The following NFATC2 variants were observed in gnomAD, a reference collection of about 807,000 sequenced individuals.
NFATC2 encodes the protein nuclear factor of activated T cells 2.
Under a neutral mutation model 87.3 loss-of-function variants are expected in NFATC2, and 22 were observed. That is an observed-to-expected ratio of 0.25 (90% CI 0.18 to 0.36). The LOEUF (loss-of-function observed/expected upper bound fraction) is 0.36. NFATC2 is among the 10% of genes least tolerant of loss of function. The pLI is 1.00. For missense variants in NFATC2, 1,149 were observed against 1,259.1 expected, an observed-to-expected ratio of 0.91 and a Z score of 1.32; for synonymous variants, 565 against 542.2, an observed-to-expected ratio of 1.04 and a Z score of -0.58.
intron 5 of NFATC2, among the ~76,000 whole-genome samples, chr20:51,466,215 G>C (rs575270759): frequency 6.6e-6 from 1 of 152,274 alleles, no homozygotes; most frequent in African/African-American, 2.4e-5. Context: ...ACCACACCTG[G>C]CTAACTTTTG....
At chr20:51,427,788 G>A (rs549994760) in intron 9 of NFATC2, among the ~76,000 whole-genome samples, 30 of 152,252 alleles carry the variant, frequency 2.0e-4, no homozygotes, top group African/African-American at 7.2e-4. Context: ...ACACTCATCT[G>A]CAGGGGCCAA....
At chr20:51,433,117 T>C (rs1983027454) in intron 8 of NFATC2, among the ~76,000 whole-genome samples, 1 of 152,130 alleles carries the variant, frequency 6.6e-6, no homozygotes, top group Non-Finnish European at 1.5e-5. Context: ...AGCTCCTGTC[T>C]CCGCTTGCTT....
At chr20:51,491,476 G>C (rs1359431750) in intron 3 of NFATC2, among the ~76,000 whole-genome samples, 1 of 152,176 alleles carries the variant, frequency 6.6e-6, no homozygotes, top group African/African-American at 2.4e-5. Flanking sequence ...AAGACAGAAA[G>C]CTTGCTTTGC....
intron 5 of NFATC2, among the ~76,000 whole-genome samples, chr20:51,469,229 C>A (rs1034323628): frequency 6.6e-6 from 1 of 152,138 alleles, no homozygotes; most frequent in South Asian, 2.1e-4. Flanking sequence ...GTTAGTCAGG[C>A]TGGTCTCCAA....
At position 51,490,984 on chromosome 20, in the gene NFATC2, A is replaced by G. The variant is rs116807288; in HGVS notation, c.1333-15324T>C. Among the ~76,000 whole-genome samples, 1,009 of 152,190 alleles carry G rather than the reference A, an allele frequency of 6.6e-3. 15 individuals carry two copies. Among genetic ancestry groups the G allele is most frequent in the African/African-American group, 0.023 (951 of 41,514 alleles). On this transcript the variant is annotated intron_variant, in intron 3 of 10. Coordinates refer to ENST00000371564, the MANE Select transcript of NFATC2 (RefSeq NM_012340.5). ...TCCAAAGCCAGTAGATCATCAAGGG[A>G]TGATTAAGAAAACCACCCAGGTCAG...
intron 3 of NFATC2, among the ~76,000 whole-genome samples, chr20:51,502,506 G>T (rs977795954): frequency 1.3e-5 from 2 of 151,790 alleles, no homozygotes; most frequent in Non-Finnish European, 2.9e-5. Flanking sequence ...TTGTTTTTGT[G>T]TTTTTTTTGG....
intron 1 of NFATC2, among the ~76,000 whole-genome samples, chr20:51,549,431 C>A (rs1379133408): frequency 1.3e-5 from 2 of 152,228 alleles, no homozygotes; most frequent in Non-Finnish European, 2.9e-5. Flanking sequence ...TGCCACCACA[C>A]CCAGCTAATT....
rs76493781 is a variant in NFATC2, at chr20:51,475,921, C to T, written c.1333-261G>A. Among the ~76,000 whole-genome samples the T allele has an allele frequency of 5.3e-5, 8 of 152,280 alleles. No individual in the cohort carries two copies. In the East Asian group the frequency reaches 1.5e-3, roughly 29 times the overall value. ...AGTCAGAACTGCATTTATGGAGAAACAGCCAGAAACTGTGCTTAATTGATG... is the reference window on the plus strand; with the variant it reads ...AGTCAGAACTGCATTTATGGAGAAATAGCCAGAAACTGTGCTTAATTGATG... On this transcript the variant is annotated intron_variant, in intron 3 of 10. Coordinates refer to ENST00000371564, the MANE Select transcript of NFATC2 (RefSeq NM_012340.5).
At chr20:51,409,677 G>A (rs1978892144) in intron 9 of NFATC2, among the ~76,000 whole-genome samples, 1 of 152,182 alleles carries the variant, frequency 6.6e-6, no homozygotes, top group Non-Finnish European at 1.5e-5. Flanking sequence ...CTCCAGATCT[G>A]ACTGACAACT....
At chr20:51,449,076 G>A (rs1358598559) in intron 6 of NFATC2, among the ~76,000 whole-genome samples, 2 of 152,126 alleles carry the variant, frequency 1.3e-5, no homozygotes, top group Non-Finnish European at 2.9e-5. Context: ...TGGTGGTGCC[G>A]ATGACCAAAC....
intron 10 of NFATC2, among the ~76,000 whole-genome samples, chr20:51,393,300 T>G (rs531342380): frequency 6.6e-6 from 1 of 152,048 alleles, no homozygotes; most frequent in African/African-American, 2.4e-5. Flanking sequence ...CATCTGTAAA[T>G]TGCATCTAAA....
intron 1 of NFATC2, among the ~76,000 whole-genome samples, chr20:51,529,550 G>A (rs985517356): frequency 3.3e-5 from 5 of 152,158 alleles, no homozygotes; most frequent in Non-Finnish European, 7.3e-5. Flanking sequence ...CAACTGCCAC[G>A]CTCACAGGCG....
chr20:51,521,316 A>G (rs1397678822), intron 2 of NFATC2, among the ~76,000 whole-genome samples: 1 of 151,218 alleles, frequency 6.6e-6, no homozygotes, highest in Non-Finnish European at 1.5e-5. Context: ...TAGGTACTCA[A>G]TTTTTATTTT....
At chr20:51,510,681 G>C (rs891752275) in intron 3 of NFATC2, among the ~76,000 whole-genome samples, 16 of 152,156 alleles carry the variant, frequency 1.1e-4, no homozygotes, top group African/African-American at 3.6e-4. Context: ...GAGTGCAGTG[G>C]CACGATCACA....
chr20:51,497,888 C>T (rs1307573600), intron 3 of NFATC2, among the ~76,000 whole-genome samples: 1 of 152,096 alleles, frequency 6.6e-6, no homozygotes, highest in Non-Finnish European at 1.5e-5. Context: ...AGCTGCAGCC[C>T]CCGGGGGAAC....
intron 1 of NFATC2, among the ~76,000 whole-genome samples, chr20:51,560,639 C>G (rs1245753722): frequency 6.6e-6 from 1 of 152,174 alleles, no homozygotes; most frequent in Non-Finnish European, 1.5e-5. Flanking sequence ...GTCTCTGATG[C>G]CTGGAACTGC....
chr20:51,519,684 T>C lies in NFATC2; in HGVS notation c.1161-2729A>G, dbSNP rs935776768. Among the ~76,000 whole-genome samples, 6 of 141,834 alleles carry C rather than the reference T, an allele frequency of 4.2e-5. No individual in the cohort carries two copies. The Admixed American group carries it at 4.4e-4, about 10-fold the overall frequency. 93.0% of individuals were successfully genotyped at this position (141,834 alleles called of 152,430 possible). On this transcript the variant is annotated intron_variant, in intron 2 of 10. Coordinates refer to ENST00000371564, the MANE Select transcript of NFATC2 (RefSeq NM_012340.5). ...TAATCCTAGCACTTTGGGAGGCCAATGCAGGCAGATGACGAGGTCAGGAGT... is the reference window on the plus strand; with the variant it reads ...TAATCCTAGCACTTTGGGAGGCCAACGCAGGCAGATGACGAGGTCAGGAGT...
chr20:51,398,516 C>T (rs543194659), intron 10 of NFATC2, 127 bp downstream of exon 10: 5 of 605,572 alleles, frequency 8.3e-6, no homozygotes, highest in Non-Finnish European at 1.4e-5. Flanking sequence ...CCCTTAAGAG[C>T]AGGAGAATGA....
At chr20:51,461,314 T>C (rs1204549678) in intron 5 of NFATC2, among the ~76,000 whole-genome samples, 1 of 152,108 alleles carries the variant, frequency 6.6e-6, no homozygotes, top group African/African-American at 2.4e-5. Flanking sequence ...CTGCAGACAA[T>C]CCAAACCGCA....
Sources: gnomAD v4.1 joint callset for allele counts (sites outside exome capture counted in the v4.1 genomes callset) on GRCh38, gnomAD v4.1.1 for gene constraint, MANE v1.5 for transcripts, NCBI Gene and HGNC (gene_info 2026-07-23, HGNC 2026-07-21) for gene names.